FAAH2: variants seen among roughly 807,000 people sequenced by gnomAD.
FAAH2 encodes fatty acid amide hydrolase 2.
A neutral mutation model predicts 36.9 loss-of-function variants in FAAH2; 60 were observed. That is an observed-to-expected ratio of 1.63 (90% CI 1.32 to 2.02). The LOEUF is 2.02. Among genes scored for constraint, FAAH2 ranks in the 30% most tolerant of loss-of-function variants. FAAH2 has a pLI of 0.00. For synonymous variants in FAAH2, 214 were observed against 143.8 expected, an observed-to-expected ratio of 1.49 and a Z score of -3.49; for missense variants, 689 against 397.5, an observed-to-expected ratio of 1.73 and a Z score of -6.23.
intron 2 of FAAH2, among the ~76,000 whole-genome samples, chrX:57,306,899 CA>C (rs1338587104): frequency 2.4e-5 from 2 of 82,838 alleles, no homozygotes; most frequent in African/African-American, 4.1e-5. Flanking sequence ...ACCATATATA[CA>C]TATATAGTAC....
the FAAH2 span, among the ~76,000 whole-genome samples, chrX:57,252,255 C>T: frequency 8.9e-6 from 1 of 112,627 alleles, no homozygotes; most frequent in Non-Finnish European, 1.9e-5. Context: ...CAGAGCAGAG[C>T]CCACCGCAGC....
chrX:57,478,933 C>T (rs1219880617), intron 10 of FAAH2, among the ~76,000 whole-genome samples: 1 of 111,456 alleles, frequency 9.0e-6, no homozygotes, highest in Non-Finnish European at 1.9e-5. Flanking sequence ...ATGCCTCCAG[C>T]TTTGTTCTTT....
At chrX:57,288,452 C>T (rs1446314833) in intron 1 of FAAH2, among the ~76,000 whole-genome samples, 2 of 103,544 alleles carry the variant, frequency 1.9e-5, no homozygotes, top group Non-Finnish European at 3.9e-5. Context: ...CGGGTTGACG[C>T]CATTCTCCTG....
intron 8 of FAAH2, among the ~76,000 whole-genome samples, chrX:57,440,075 G>A (rs761645652): frequency 9.0e-6 from 1 of 111,626 alleles, no homozygotes; most frequent in Non-Finnish European, 1.9e-5. Context: ...GGATTGACTT[G>A]GTGATGCGGG....
At chrX:57,350,201 C>A (rs1323331995) in intron 5 of FAAH2, among the ~76,000 whole-genome samples, 1 of 111,076 alleles carries the variant, frequency 9.0e-6, no homozygotes, top group Non-Finnish European at 1.9e-5. Context: ...CTTTCCCATA[C>A]AAATGCTGAG....
At chrX:57,469,722 T>C (rs1204884917) in intron 10 of FAAH2, among the ~76,000 whole-genome samples, 6 of 111,487 alleles carry the variant, frequency 5.4e-5, no homozygotes, top group Non-Finnish European at 1.1e-4. Context: ...TATCCAGTAA[T>C]TGAACTCAGC....
chrX:57,475,462 T>C (rs1405662235), intron 10 of FAAH2, among the ~76,000 whole-genome samples: 1 of 112,091 alleles, frequency 8.9e-6, no homozygotes, highest in East Asian at 2.8e-4. Flanking sequence ...TCTTTCCCCA[T>C]TGCTTGTTTT....
At chrX:57,227,204 CG>C in the FAAH2 span, among the ~76,000 whole-genome samples, 1 of 110,324 alleles carries the variant, frequency 9.1e-6, no homozygotes, top group Non-Finnish European at 1.9e-5. Flanking sequence ...GAACTCGGGT[CG>C]GGGGGTGTTG....
rs2057521249 is a variant in FAAH2, at chrX:57,488,850, C to T, written c.1517C>T (p.Pro506Leu). The change falls in exon 11 of 11, where the codon CCC becomes CTC. Residue 506 changes from proline to leucine, a missense_variant. Pro to Leu is a moderately conservative substitution (Grantham distance 98). Coordinates refer to ENST00000374900, the MANE Select transcript of FAAH2 (RefSeq NM_174912.4). ...LPLGIQVVAG[P>L]FNDHLTLAVA... is the part of the protein sequence containing the mutation. ...TTAGGCATCCAGGTTGTGGCTGGAC[C>T]CTTTAATGATCATCTGACCCTGGCT... The T allele has an allele frequency of 1.7e-6, 2 of 1,210,937 alleles. No individual in the cohort carries two copies. Among genetic ancestry groups the T allele is most frequent in the Non-Finnish European group, 1.1e-6 (1 of 895,234 alleles).
chrX:57,427,072 A>G (rs2056180342), intron 7 of FAAH2, among the ~76,000 whole-genome samples: 1 of 111,443 alleles, frequency 9.0e-6, no homozygotes, highest in African/African-American at 3.2e-5. Context: ...TATAACTGAT[A>G]TCACAAAAAT....
intron 7 of FAAH2, among the ~76,000 whole-genome samples, chrX:57,403,924 T>A (rs2055502031): frequency 8.9e-6 from 1 of 112,852 alleles, no homozygotes; most frequent in Non-Finnish European, 1.9e-5. Context: ...AGCCCCATAC[T>A]TTAAGATTTT....
chrX:57,240,865 G>T, the FAAH2 span, among the ~76,000 whole-genome samples: 1 of 112,401 alleles, frequency 8.9e-6, no homozygotes. Flanking sequence ...AGGGACCCTG[G>T]GAAAGGCTGG....
At chrX:57,211,913 A>G in the FAAH2 span, among the ~76,000 whole-genome samples, 1 of 112,160 alleles carries the variant, frequency 8.9e-6, no homozygotes, top group East Asian at 2.8e-4. Flanking sequence ...CCTCAGGATA[A>G]ACAAGTCCCA....
chrX:57,427,568 G>T (rs1171367186), intron 7 of FAAH2, among the ~76,000 whole-genome samples: 3 of 111,245 alleles, frequency 2.7e-5, no homozygotes, highest in African/African-American at 6.5e-5. Context: ...TGATCAAGTT[G>T]GTTTTAACCC....
chrX:57,393,110 GC>G, intron 7 of FAAH2: 1 of 986,426 alleles, frequency 1.0e-6, no homozygotes, highest in Non-Finnish European at 1.4e-6. Flanking sequence ...GGCATCAAAA[GC>G]CCTCTGTTCT....
chrX:57,233,357 C>T, the FAAH2 span, among the ~76,000 whole-genome samples: 2 of 111,901 alleles, frequency 1.8e-5, no homozygotes, highest in Admixed American at 1.9e-4. Context: ...GATAATTCAA[C>T]TTCTACCTTA....
the FAAH2 span, among the ~76,000 whole-genome samples, chrX:57,258,598 CA>C: frequency 3.6e-5 from 4 of 110,418 alleles, no homozygotes; most frequent in African/African-American, 1.3e-4. Context: ...AACTTAAAAA[CA>C]AAAAAGAAAT....
intron 10 of FAAH2, among the ~76,000 whole-genome samples, chrX:57,477,072 TA>T (rs1346789119): frequency 9.0e-6 from 1 of 110,836 alleles, no homozygotes; most frequent in Admixed American, 9.7e-5. Flanking sequence ...TTATTATGTC[TA>T]TTTGTTTGTT....
the FAAH2 span, among the ~76,000 whole-genome samples, chrX:57,179,973 CA>C: frequency 1.8e-5 from 2 of 111,703 alleles, no homozygotes; most frequent in African/African-American, 6.5e-5. Flanking sequence ...TCCTCAAAAC[CA>C]TACAATTATA....
Sources: gnomAD v4.1 joint callset for allele counts (sites outside exome capture counted in the v4.1 genomes callset) on GRCh38, gnomAD v4.1.1 for gene constraint, MANE v1.5 for transcripts, NCBI Gene and HGNC (gene_info 2026-07-23, HGNC 2026-07-21) for gene names.